Variants in SLIT3 observed in about 807,000 individuals in gnomAD.
SLIT3 encodes slit guidance ligand 3, also known as slit homolog 3 protein.
SLIT3 carries 68 observed loss-of-function variants against 184.0 expected under a neutral mutation model. The ratio of observed to expected loss-of-function variants is 0.37; its 90% confidence interval spans 0.30 to 0.45. The LOEUF (loss-of-function observed/expected upper bound fraction) is 0.45, where lower values mean the gene tolerates loss of function less well. Among genes scored for constraint, SLIT3 ranks in the 20% least tolerant of loss-of-function variants. The probability of loss-of-function intolerance (pLI) is 1.00; values close to 1 mark genes in which losing one functional copy is unlikely to be tolerated. For synonymous variants in SLIT3, 831 were observed against 828.6 expected (o/e 1.00, Z -0.05); for missense variants, 1,707 against 2,026.0 (o/e 0.84, Z 3.02).
intron 4 of SLIT3, among the ~76,000 whole-genome samples, chr5:168,940,991 A>G (rs929940659): frequency 1.1e-4 from 16 of 152,168 alleles, no homozygotes. Context: ...CTCTCGGATA[A>G]AAGCAAACCA....
intron 4 of SLIT3, among the ~76,000 whole-genome samples, chr5:168,891,359 G>T (rs1472667510): frequency 1.3e-5 from 2 of 152,160 alleles, no homozygotes; most frequent in Non-Finnish European, 2.9e-5. Context: ...TGACCTAGAA[G>T]GGTAAGAGTC....
intron 32 of SLIT3, among the ~76,000 whole-genome samples, chr5:168,681,320 C>G (rs1761583097): frequency 6.6e-6 from 1 of 152,186 alleles, no homozygotes; most frequent in African/African-American, 2.4e-5. Flanking sequence ...CTGCACCTAG[C>G]CCAGGGTCTG....
At chr5:168,897,864 T>C (rs748948788) in intron 4 of SLIT3, among the ~76,000 whole-genome samples, 8 of 151,632 alleles carry the variant, frequency 5.3e-5, no homozygotes, top group Non-Finnish European at 1.2e-4. Flanking sequence ...CTCAGGTCTC[T>C]GTGCTTCAGC....
intron 4 of SLIT3, among the ~76,000 whole-genome samples, chr5:168,906,587 A>C (rs538836329): frequency 1.8e-4 from 28 of 152,272 alleles, no homozygotes; most frequent in Non-Finnish European, 3.1e-4. Context: ...CACAGGGGTT[A>C]CCTCTACGTG....
At position 169,203,351 on chromosome 5, in the gene SLIT3, GCACACACACACACA is replaced by G. The variant is rs36206656; in HGVS notation, c.342-9815_342-9802del. Among the ~76,000 whole-genome samples, 312 of 147,522 alleles carry G rather than the reference GCACACACACACACA, an allele frequency of 2.1e-3. 2 individuals are homozygous for G. The highest frequency in any genetic ancestry group is 0.015 in the South Asian group (70 of 4,564). On this transcript the variant is annotated intron_variant, in intron 3 of 35. Transcript: ENST00000519560. ...CATATTTATGCGTGCATGTGAATGTGCACACACACACACACACACACACACACACACACACACAG... is the reference window on the plus strand; with the variant it reads ...CATATTTATGCGTGCATGTGAATGTGCACACACACACACACACACACACAG...
intron 4 of SLIT3, among the ~76,000 whole-genome samples, chr5:168,985,922 A>C (rs1186156564): frequency 6.6e-6 from 1 of 151,700 alleles, no homozygotes; most frequent in East Asian, 1.9e-4. Context: ...GGAGTGCCGC[A>C]CTCCCAAGCT....
intron 4 of SLIT3, among the ~76,000 whole-genome samples, chr5:169,111,256 A>C (rs538774734): frequency 6.6e-6 from 1 of 152,220 alleles, no homozygotes; most frequent in African/African-American, 2.4e-5. Flanking sequence ...CTGTGAGACT[A>C]TAAATTGCAC....
chr5:169,238,489 A>T (rs1765273614), intron 3 of SLIT3, among the ~76,000 whole-genome samples: 2 of 138,914 alleles, frequency 1.4e-5, no homozygotes, highest in East Asian at 2.1e-4. Context: ...TTAACTGCTT[A>T]TTTTTTAAGT....
At chr5:169,216,332 G>A (rs62376910) in intron 3 of SLIT3, among the ~76,000 whole-genome samples, 21,768 of 152,186 alleles carry the variant, frequency 0.14, 1,905 homozygotes, top group East Asian at 0.44. Context: ...CTGGGCCCCA[G>A]TGACCCTTTG....
intron 1 of SLIT3, among the ~76,000 whole-genome samples, chr5:169,272,544 A>G (rs557278402): frequency 1.3e-5 from 2 of 152,366 alleles, no homozygotes; most frequent in Admixed American, 1.3e-4. Flanking sequence ...GGTGCCCAGC[A>G]CAGTGCCTTG....
chr5:168,917,805 C>CT (rs1427560295), intron 4 of SLIT3, among the ~76,000 whole-genome samples: 1 of 152,124 alleles, frequency 6.6e-6, no homozygotes, highest in Non-Finnish European at 1.5e-5. Context: ...TTGTGTGATT[C>CT]TTTTTTCCCC....
chr5:169,298,205 G>T (rs991269150), intron 1 of SLIT3, among the ~76,000 whole-genome samples: 11 of 152,108 alleles, frequency 7.2e-5, no homozygotes, highest in Non-Finnish European at 1.5e-4. Flanking sequence ...TGGCCAAAGT[G>T]GCACCAGTGA....
intron 4 of SLIT3, among the ~76,000 whole-genome samples, chr5:168,903,786 G>A (rs1042992292): frequency 6.7e-6 from 1 of 148,566 alleles, no homozygotes; most frequent in African/African-American, 2.5e-5. Context: ...GAATCATGGC[G>A]GTCCCTCCCA....
chr5:168,902,181 T>C (rs1264501946), intron 4 of SLIT3, among the ~76,000 whole-genome samples: 1 of 152,190 alleles, frequency 6.6e-6, no homozygotes, highest in Non-Finnish European at 1.5e-5. Context: ...TGAGCCACTG[T>C]GCCTGGCCTG....
intron 4 of SLIT3, among the ~76,000 whole-genome samples, chr5:169,117,365 A>T (rs1760712028): frequency 6.6e-6 from 1 of 152,200 alleles, no homozygotes; most frequent in African/African-American, 2.4e-5. Flanking sequence ...GTCCAGATCC[A>T]CATCACTGGG....
At chr5:168,979,421 G>A (rs1420147212) in intron 4 of SLIT3, among the ~76,000 whole-genome samples, 2 of 152,202 alleles carry the variant, frequency 1.3e-5, no homozygotes, top group Non-Finnish European at 2.9e-5. Context: ...AACATGGCAT[G>A]CAACAATCAG....
intron 4 of SLIT3, among the ~76,000 whole-genome samples, chr5:169,016,837 T>C (rs1017338639): frequency 6.6e-6 from 1 of 152,212 alleles, no homozygotes; most frequent in Non-Finnish European, 1.5e-5. Flanking sequence ...ATTAGGAACA[T>C]AGTAAATGCT....
chr5:169,204,877 G>C (rs1764018278), intron 3 of SLIT3, among the ~76,000 whole-genome samples: 1 of 152,214 alleles, frequency 6.6e-6, no homozygotes, highest in African/African-American at 2.4e-5. Flanking sequence ...ATGCCCATTT[G>C]AGGTTAGTGG....
intron 4 of SLIT3, among the ~76,000 whole-genome samples, chr5:168,948,204 C>T (rs1404091229): frequency 6.6e-6 from 1 of 152,196 alleles, no homozygotes; most frequent in Non-Finnish European, 1.5e-5. Context: ...CAGCAACACC[C>T]CTGCCTTGTC....
Sources: gnomAD v4.1 joint callset for allele counts (sites outside exome capture counted in the v4.1 genomes callset) on GRCh38, gnomAD v4.1.1 for gene constraint, MANE v1.5 for transcripts, NCBI Gene and HGNC (gene_info 2026-07-23, HGNC 2026-07-21) for gene names.